The following C11orf65 variants were observed in gnomAD, a reference collection of about 807,000 sequenced individuals.
C11orf65 encodes chromosome 11 open reading frame 65, also known as protein MFI.
In C11orf65, 38 loss-of-function variants were observed where a neutral mutation model predicts 35.3. The ratio of observed to expected loss-of-function variants is 1.08; its 90% CI spans 0.83 to 1.41. The LOEUF (loss-of-function observed/expected upper bound fraction) is 1.41. C11orf65 is among the 40% of genes most tolerant of loss of function. The pLI, the probability that C11orf65 is intolerant of heterozygous loss-of-function variation, is 0.00. For missense variants in C11orf65, 370 were observed against 367.1 expected (o/e 1.01, Z -0.06); for synonymous variants, 105 against 114.4 (o/e 0.92, Z 0.53).
chr11:108,399,756 C>G (rs1364413394), intron 6 of C11orf65, among the ~76,000 whole-genome samples: 1 of 152,178 alleles, frequency 6.6e-6, no homozygotes, highest in Non-Finnish European at 1.5e-5. Context: ...TACGTACTCT[C>G]AATTTTATGG....
At chr11:108,331,105 A>C, downstream of C11orf65, 4 of 984,690 alleles carry the variant, frequency 4.1e-6, no homozygotes, top group Non-Finnish European at 4.9e-6. Context: ...ACTTCATTTT[A>C]TTGTACACTG....
chr11:108,311,455 G>A (rs189215442), intron 6 of C11orf65, among the ~76,000 whole-genome samples: 1 of 152,234 alleles, frequency 6.6e-6, no homozygotes, highest in Non-Finnish European at 1.5e-5. Context: ...CAGCACTTTG[G>A]GAGGCCAAAG....
At chr11:108,458,967 T>C (rs2093438743) in intron 2 of C11orf65, among the ~76,000 whole-genome samples, 1 of 152,226 alleles carries the variant, frequency 6.6e-6, no homozygotes, top group Admixed American at 6.5e-5. Flanking sequence ...TGTCAGTTTT[T>C]CTAGGCGCTA....
chr11:108,414,944 T>C (rs1398803999), intron 3 of C11orf65, among the ~76,000 whole-genome samples: 1 of 152,120 alleles, frequency 6.6e-6, no homozygotes, highest in Non-Finnish European at 1.5e-5. Flanking sequence ...ATGATCATAT[T>C]AGCAGATGTA....
intron 2 of C11orf65, among the ~76,000 whole-genome samples, chr11:108,442,971 T>G (rs953560760): frequency 2.0e-5 from 3 of 152,108 alleles, no homozygotes; most frequent in African/African-American, 4.8e-5. Flanking sequence ...TATAATAATA[T>G]TAACTTTAAA....
At chr11:108,468,553 C>G (rs1054945341), upstream of C11orf65, among the ~76,000 whole-genome samples, 5 of 152,030 alleles carry the variant, frequency 3.3e-5, no homozygotes, top group African/African-American at 1.2e-4. Context: ...AAAAGAAACA[C>G]CTGAAGAGAA....
At chr11:108,328,449 T>C (rs4988117), downstream of C11orf65, among the ~76,000 whole-genome samples, 7,361 of 152,138 alleles carry the variant, frequency 0.048, 615 homozygotes, top group African/African-American at 0.17. Flanking sequence ...TTTCGCCACA[T>C]TGGCCAGTCT....
Position 108,365,147 on chromosome 11 carries a change from G to C in C11orf65, c.226+28061C>G, listed in dbSNP as rs1555151349. 1 of 1,614,218 alleles carries C rather than the reference G, an allele frequency of 6.2e-7. No homozygotes were observed. The highest frequency in any genetic ancestry group is 1.7e-5 in the Admixed American group (1 of 60,030). ...CTTTGAAAGCTTTGTATTTACAGCA[G>C]AGGCCGGAAGATGAAACTGAGCTTC... On this transcript the variant is annotated intron_variant, in intron 2 of 3. Transcript: ENST00000524755.
intron 6 of C11orf65, among the ~76,000 whole-genome samples, chr11:108,396,220 C>G (rs908339557): frequency 3.3e-5 from 5 of 151,994 alleles, no homozygotes; most frequent in Non-Finnish European, 7.4e-5. Context: ...AGCCTTTCAA[C>G]TAGCTGGGAT....
rs376158749 is a variant in C11orf65 at position 108,317,615 on chromosome 11, TTATATATATATATATATA to T, written c.641-8562_641-8545del. ...TTCTATGAATATAACAGGAGTTGTT[TTATATATATATATATATA>T]TATATATATATATATATATACACAC... On this transcript the variant is annotated intron_variant, in intron 6 of 6. Coordinates refer to the C11orf65 transcript ENST00000525729. The T allele has an allele frequency of 2.7e-4, 59 of 215,366 alleles. 4 individuals carry two copies. Among genetic ancestry groups the T allele is most frequent in the African/African-American group, 6.9e-4 (15 of 21,732 alleles). 13.3% of individuals were successfully genotyped at this position (215,366 alleles called of 1,614,324 possible).
At chr11:108,394,594 C>G (rs2138446897) in intron 6 of C11orf65, among the ~76,000 whole-genome samples, 1 of 152,268 alleles carries the variant, frequency 6.6e-6, no homozygotes, top group Non-Finnish European at 1.5e-5. Flanking sequence ...GTAGTCCTTA[C>G]CAAGATCATC....
chr11:108,368,763 C>T (rs969006284), intron 2 of C11orf65: 1 of 211,550 alleles, frequency 4.7e-6, no homozygotes. Flanking sequence ...GTCATACCTC[C>T]CCAAAGTGTT....
In C11orf65 at chr11:108,454,486, C is replaced by T. The variant is rs141456651; in HGVS notation, c.81+6993G>A. The stretch of plus-strand genomic sequence containing the variant: ...GCTAATTTTGTATTTTTAGTAGAGA[C>T]GAGGTTTCTCCATGTTGGTCAGTCT... On this transcript the variant is annotated intron_variant, in intron 2 of 8. Coordinates refer to ENST00000393084, the MANE Select transcript of C11orf65 (RefSeq NM_152587.5). 9.7e-3 allele frequency among the ~76,000 whole-genome samples: 1,476 copies of T among 151,918 alleles called. 9 individuals carry two copies. Among genetic ancestry groups the T allele is most frequent in the Middle Eastern group, 0.017 (5 of 294 alleles).
At chr11:108,455,593 G>A (rs183870313) in intron 2 of C11orf65, among the ~76,000 whole-genome samples, 30 of 151,398 alleles carry the variant, frequency 2.0e-4, no homozygotes, top group Admixed American at 3.3e-4. Context: ...CGAGGCGGGC[G>A]GATCACGAGG....
At chr11:108,447,112 G>A (rs2093274290) in intron 2 of C11orf65, among the ~76,000 whole-genome samples, 1 of 152,072 alleles carries the variant, frequency 6.6e-6, no homozygotes, top group Non-Finnish European at 1.5e-5. Context: ...ACCCAATACA[G>A]GAGCACCAAG....
intron 2 of C11orf65, among the ~76,000 whole-genome samples, chr11:108,453,455 T>C (rs537307769): frequency 7.0e-4 from 107 of 152,248 alleles, no homozygotes; most frequent in Non-Finnish European, 1.3e-3. Context: ...AAGACAAAGA[T>C]TATTTAGAAT....
chr11:108,467,743 G>T (rs1324645439), upstream of C11orf65, among the ~76,000 whole-genome samples: 1 of 152,156 alleles, frequency 6.6e-6, no homozygotes, highest in Admixed American at 6.5e-5. Context: ...ACGAAGTTGG[G>T]CTTAGTATAT....
chr11:108,350,982 ATAATAGCCCC>A (rs2137198362), intron 2 of C11orf65, among the ~76,000 whole-genome samples: 1 of 152,346 alleles, frequency 6.6e-6, no homozygotes, highest in South Asian at 2.1e-4. Context: ...AGCATTATTC[ATAATAGCCCC>A]TAACTGGAAA....
chr11:108,429,045 G>A lies in C11orf65; in HGVS notation c.174+2701C>T, dbSNP rs1351632311. On this transcript the variant is annotated intron_variant, in intron 3 of 8. Coordinates refer to ENST00000393084, the MANE Select transcript of C11orf65 (RefSeq NM_152587.5). ...GCCTGTTGCTCCAGCTACTTGTGAG[G>A]CTGAGGTGGGAGGATCGCTTGGGCC... 2.0e-5 allele frequency among the ~76,000 whole-genome samples: 3 copies of A among 152,248 alleles called. No homozygotes were observed. The East Asian group carries it at 5.8e-4, about 29-fold the overall frequency.
Sources: allele counts gnomAD v4.1 joint callset (sites outside exome capture counted in the v4.1 genomes callset), GRCh38; gene constraint gnomAD v4.1.1; transcripts MANE v1.5; gene names NCBI Gene and HGNC (gene_info 2026-07-23, HGNC 2026-07-21).